ICE2: variants seen among roughly 807,000 people sequenced by gnomAD.
ICE2 encodes the protein little elongation complex subunit 2.
ICE2 carries 87 observed loss-of-function variants against 105.4 expected under a neutral mutation model. The ratio of observed to expected loss-of-function variants is 0.83; its 90% confidence interval spans 0.69 to 0.99. The LOEUF (loss-of-function observed/expected upper bound fraction) is 0.99, where lower values mean the gene tolerates loss of function less well. ICE2 is among the 50% of genes least tolerant of loss of function. The pLI is 0.00. For synonymous variants in ICE2, 399 were observed against 392.0 expected, an observed-to-expected ratio of 1.02 and a Z score of -0.21; for missense variants, 1,323 against 1,146.7, an observed-to-expected ratio of 1.15 and a Z score of -2.22.
intron 2 of ICE2, 70 bp downstream of exon 2, chr15:60,477,867 T>A (rs2141185784): frequency 7.5e-7 from 1 of 1,326,060 alleles, no homozygotes; most frequent in East Asian, 2.3e-5. Flanking sequence ...GCCAGAAATC[T>A]ATTTTCTTAT....
intron 3 of ICE2, among the ~76,000 whole-genome samples, chr15:60,470,617 T>C (rs929724062): frequency 1.3e-5 from 2 of 152,230 alleles, no homozygotes; most frequent in African/African-American, 4.8e-5. Flanking sequence ...TAGTCTGTTA[T>C]TATTTATCCT....
At chr15:60,425,227 C>T (rs935340202) in intron 15 of ICE2, among the ~76,000 whole-genome samples, 6 of 152,142 alleles carry the variant, frequency 3.9e-5, no homozygotes, top group African/African-American at 1.4e-4. Flanking sequence ...AAATTGAGTA[C>T]AGATTTGTCT....
chr15:60,425,168 C>T (rs998552444), intron 15 of ICE2, among the ~76,000 whole-genome samples: 7 of 152,074 alleles, frequency 4.6e-5, no homozygotes, highest in Admixed American at 3.9e-4. Context: ...ATCTACTGTC[C>T]CTTTAAAAAG....
rs1199196878 is a variant in ICE2, at chr15:60,479,002, C to A, written c.-93+1G>T. The stretch of plus-strand genomic sequence containing the variant: ...GGCTGCAACACAGCCTTTCCGCCCA[C>A]CTCATGGTCCGCGGCGGCTCTTGCC... On this transcript the variant is annotated splice_donor_variant, in intron 1 of 15. Coordinates refer to ENST00000261520, the MANE Select transcript of ICE2 (RefSeq NM_024611.6). LOFTEE classifies it low-confidence loss of function (5UTR_SPLICE). 1 of 456,032 alleles carries A rather than the reference C, an allele frequency of 2.2e-6. No homozygotes were observed. Among genetic ancestry groups the A allele is most frequent in the Non-Finnish European group, 4.4e-6 (1 of 226,752 alleles). The allele number at this position is 456,032 out of a possible 1,614,324, so 28.2% of individuals were successfully genotyped here. A position where few individuals can be genotyped will look rare whatever the true frequency, so the allele number is the denominator to read the frequency against.
At chr15:60,441,238 G>A (rs376337320) in intron 12 of ICE2, 11 of 152,254 alleles carry the variant, frequency 7.2e-5, no homozygotes, top group Admixed American at 5.9e-4. Context: ...TGTGTATGAA[G>A]GAGGAGGAGG....
At chr15:60,442,329 G>A in intron 12 of ICE2, 87 bp downstream of exon 12, 5 of 1,214,426 alleles carry the variant, frequency 4.1e-6, no homozygotes, top group Non-Finnish European at 5.8e-6. Flanking sequence ...GTAAAAAAGG[G>A]CAGAATAGAA....
rs901644005 is a variant in ICE2 at position 60,445,286 on chromosome 15, C to T, written c.2295+2684G>A. Among the ~76,000 whole-genome samples, 4 of 152,266 alleles carry T rather than the reference C, an allele frequency of 2.6e-5. No homozygotes were observed. In the East Asian group the frequency reaches 7.7e-4, roughly 29 times the overall value. ...TTAGTTTAAATAGTACCACTTACAA[C>T]ATTTTCAAATTGGTGCCTCAACCTC... On this transcript the variant is annotated intron_variant, in intron 11 of 15. Coordinates refer to ENST00000261520, the MANE Select transcript of ICE2 (RefSeq NM_024611.6).
rs756413542 is a variant in ICE2, at chr15:60,428,570, G to A, written c.2679C>T (p.Cys893=). The A allele has an allele frequency of 2.0e-5, 33 of 1,614,034 alleles. 1 individual carries two copies. The highest frequency in any genetic ancestry group is 5.3e-5 in the African/African-American group (4 of 75,018). The change falls in exon 15 of 16, where the codon TGC becomes TGT. Residue 893 remains cysteine (C), a synonymous_variant. Coordinates refer to ENST00000261520, the MANE Select transcript of ICE2 (RefSeq NM_024611.6). ...GACTGGAAGGTACACCAGGAAGGCC[G>A]CAATGTGTTTTATACAAATTGTATG... ...RTAYNLYKTH[C]GLPGVPSSLS...
intron 8 of ICE2, 136 bp downstream of exon 8, chr15:60,454,867 C>G (rs1417188661): frequency 2.8e-5 from 20 of 714,048 alleles, no homozygotes; most frequent in African/African-American, 3.7e-5. Flanking sequence ...CCCCCCACCC[C>G]CTGACAGGCC....
chr15:60,433,711 G>A (rs1186423232), intron 13 of ICE2, among the ~76,000 whole-genome samples: 2 of 151,278 alleles, frequency 1.3e-5, no homozygotes, highest in South Asian at 2.1e-4. Context: ...GGCTGGTCTC[G>A]AACTCCTGAC....
intron 5 of ICE2, among the ~76,000 whole-genome samples, chr15:60,461,740 G>A (rs1373586866): frequency 6.6e-6 from 1 of 152,118 alleles, no homozygotes. Context: ...TCTATCCACT[G>A]AATTATTCTC....
At chr15:60,461,045 A>G (rs993321449) in intron 5 of ICE2, among the ~76,000 whole-genome samples, 2 of 142,638 alleles carry the variant, frequency 1.4e-5, no homozygotes, top group African/African-American at 5.1e-5. Flanking sequence ...AGATACTAGT[A>G]GCATTCCACC....
intron 12 of ICE2, chr15:60,440,917 A>G (rs2063705712): frequency 6.6e-6 from 1 of 152,246 alleles, no homozygotes; most frequent in South Asian, 2.1e-4. Context: ...TAGGATTCAC[A>G]GAGAATAATC....
At chr15:60,457,490 G>A (rs906561256) in intron 5 of ICE2, among the ~76,000 whole-genome samples, 2 of 151,996 alleles carry the variant, frequency 1.3e-5, no homozygotes, top group Non-Finnish European at 1.5e-5. Flanking sequence ...TTCTGTCAAC[G>A]AACCTTATCT....
Position 60,456,778 on chromosome 15 carries a change from C to T in ICE2, c.545G>A (p.Cys182Tyr), listed in dbSNP as rs543933235. The T allele has an allele frequency of 2.4e-5, 36 of 1,489,658 alleles. No individual in the cohort carries two copies. In the South Asian group the frequency reaches 4.4e-4, roughly 18 times the overall value. The allele number at this position is 1,489,658 out of a possible 1,614,324, so 92.3% of individuals were successfully genotyped here. The change falls in exon 6 of 16, where the codon TGC becomes TAC. Residue 182 changes from cysteine to tyrosine, a missense_variant. Coordinates refer to ENST00000261520, the MANE Select transcript of ICE2 (RefSeq NM_024611.6). ...RLFTEKILRA[C>Y]IEQVKKYSEF... The stretch of plus-strand genomic sequence containing the variant: ...TGAATACTTTTTCACTTGTTCAATG[C>T]AAGCTCTTAAAATTTTCTGAGAAAC...
At position 60,423,685 on chromosome 15, in the gene ICE2, A is replaced by AGCAG. The variant is rs1157560240; in HGVS notation, c.2894_2897dup (p.Gln967CysfsTer5). ...CCACTCCTTCAGTTTCAACTTGCTG[A>AGCAG]GCAGGCAAGCAACTGCTTTTGGTTT... On this transcript the variant is annotated frameshift_variant, in exon 16 of 16. Coordinates refer to ENST00000261520, the MANE Select transcript of ICE2 (RefSeq NM_024611.6). LOFTEE classifies it high-confidence loss of function. 1.2e-6 allele frequency: 2 copies of AGCAG among 1,610,750 alleles called. No individual in the cohort carries two copies. The highest frequency in any genetic ancestry group is 1.7e-6 in the Non-Finnish European group (2 of 1,179,360).
At chr15:60,470,705 T>G (rs1014156614) in intron 3 of ICE2, among the ~76,000 whole-genome samples, 2 of 152,228 alleles carry the variant, frequency 1.3e-5, no homozygotes, top group Admixed American at 1.3e-4. Context: ...TGAACTTAAA[T>G]AAATGAACTG....
chr15:60,463,030 T>G (rs970241962), intron 5 of ICE2, among the ~76,000 whole-genome samples: 2 of 152,162 alleles, frequency 1.3e-5, no homozygotes, highest in Admixed American at 6.5e-5. Flanking sequence ...TACAAGACAC[T>G]CAATAATTTA....
At chr15:60,432,008 T>C in intron 13 of ICE2, 24 bp from the exon 14 acceptor site, 2 of 1,344,688 alleles carry the variant, frequency 1.5e-6, no homozygotes, top group Non-Finnish European at 2.1e-6. Flanking sequence ...GAAATTCATG[T>C]AAAATTAAAC....
Sources: allele counts gnomAD v4.1 joint callset (sites outside exome capture counted in the v4.1 genomes callset), GRCh38; gene constraint gnomAD v4.1.1; transcripts MANE v1.5; gene names NCBI Gene and HGNC (gene_info 2026-07-23, HGNC 2026-07-21).